CRISP3: variants seen among roughly 807,000 people sequenced by gnomAD.
The protein encoded by CRISP3 is cysteine rich secretory protein 3, also known as cysteine-rich secretory protein 3.
Under a neutral mutation model 36.1 loss-of-function variants are expected in CRISP3, and 33 were observed. The ratio of observed to expected loss-of-function variants is 0.91; its 90% CI spans 0.69 to 1.22. CRISP3 has a LOEUF of 1.22. Ranked by LOEUF, CRISP3 falls within the 50% of genes most tolerant of loss-of-function variation. CRISP3 has a pLI of 0.00. For missense variants in CRISP3, 330 were observed against 301.2 expected (o/e 1.10, Z -0.71); for synonymous variants, 117 against 104.6 (o/e 1.12, Z -0.72).
intron 1 of CRISP3, 34 bp downstream of exon 1, chr6:49,744,276 TTGTTCACCTTGAAATAAATAA>T (rs1335842569): frequency 2.2e-5 from 28 of 1,279,152 alleles, no homozygotes; most frequent in South Asian, 1.3e-5. Context: ...TATAAATGTG[TTGTTCACCTTGAAATAAATAA>T]TGTTCACCTT....
In CRISP3 at chr6:49,727,923, T is replaced by C. The variant is rs1035229675; in HGVS notation, c.*807A>G. 1 of 152,134 alleles carries C rather than the reference T, an allele frequency of 6.6e-6. No individual in the cohort carries two copies. Among genetic ancestry groups the C allele is most frequent in the Non-Finnish European group, 1.5e-5 (1 of 68,000 alleles). The allele number at this position is 152,134 out of a possible 1,614,324, so 9.4% of individuals were successfully genotyped here. A position where few individuals can be genotyped will look rare whatever the true frequency, so the allele number is the denominator to read the frequency against. On this transcript the variant is annotated 3_prime_UTR_variant, in exon 8 of 8. Transcript: ENST00000263045. Reference sequence around the variant, plus strand: ...TTTGTCATTTTTCTCCCCTGTAAAGTTACTATGTTTCCCTTTCCATACTCC... The same window carrying C: ...TTTGTCATTTTTCTCCCCTGTAAAGCTACTATGTTTCCCTTTCCATACTCC...
At chr6:49,734,523 T>A (rs1237596297) in intron 4 of CRISP3, among the ~76,000 whole-genome samples, 1 of 152,134 alleles carries the variant, frequency 6.6e-6, no homozygotes, top group East Asian at 1.9e-4. Context: ...TTAATATTTA[T>A]ATTTGGATGG....
At chr6:49,742,838 A>C (rs1249397521) in intron 1 of CRISP3, among the ~76,000 whole-genome samples, 1 of 152,122 alleles carries the variant, frequency 6.6e-6, no homozygotes, top group Non-Finnish European at 1.5e-5. Flanking sequence ...TTAAAAAGCA[A>C]AGGAGGAAGA....
chr6:49,731,413 C>A (rs2127450404), intron 6 of CRISP3, among the ~76,000 whole-genome samples, 162 bp from the exon 7 acceptor site: 1 of 152,042 alleles, frequency 6.6e-6, no homozygotes, highest in East Asian at 1.9e-4. Context: ...GACAATAATG[C>A]AAATTAAGAG....
chr6:49,733,968 C>A (rs1768981001), intron 4 of CRISP3, 120 bp from the exon 5 acceptor site: 2 of 798,396 alleles, frequency 2.5e-6, no homozygotes, highest in East Asian at 2.5e-5. Flanking sequence ...TCCCCAGTAC[C>A]CACCGTTAAT....
intron 5 of CRISP3, 48 bp downstream of exon 5, chr6:49,733,655 T>G: frequency 5.2e-6 from 8 of 1,540,826 alleles, no homozygotes; most frequent in Non-Finnish European, 7.0e-6. Flanking sequence ...GAATCCTTTT[T>G]TTTTAGGGCA....
chr6:49,740,003 G>A (rs2127453274), intron 1 of CRISP3, among the ~76,000 whole-genome samples: 1 of 152,214 alleles, frequency 6.6e-6, no homozygotes, highest in Admixed American at 6.5e-5. Context: ...AGTGTGATTA[G>A]AGAAAAACCA....
chr6:49,733,158 A>G, intron 6 of CRISP3, 37 bp downstream of exon 6: 1 of 1,146,288 alleles, frequency 8.7e-7, no homozygotes, highest in Non-Finnish European at 1.3e-6. Flanking sequence ...AATTGTATTT[A>G]GCATTATTGA....
intron 3 of CRISP3, among the ~76,000 whole-genome samples, chr6:49,735,798 T>C (rs1769035948): frequency 6.6e-6 from 1 of 152,158 alleles, no homozygotes; most frequent in Non-Finnish European, 1.5e-5. Context: ...CTACCCTAAG[T>C]AATCAAAAAA....
chr6:49,735,468 T>A (rs756463205), intron 4 of CRISP3, 36 bp downstream of exon 4: 45 of 1,469,456 alleles, frequency 3.1e-5, no homozygotes, highest in Non-Finnish European at 4.2e-5. Context: ...ATTTTACTTG[T>A]TGATTTATTC....
At chr6:49,743,625 T>C (rs1271290383) in intron 1 of CRISP3, among the ~76,000 whole-genome samples, 1 of 152,198 alleles carries the variant, frequency 6.6e-6, no homozygotes. Flanking sequence ...TCCTACTATC[T>C]GACTCTTCAG....
intron 3 of CRISP3, 127 bp from the exon 4 acceptor site, chr6:49,735,718 T>A (rs1165167996): frequency 3.0e-5 from 18 of 596,970 alleles, no homozygotes; most frequent in Non-Finnish European, 5.2e-5. Context: ...CTTCTGATTT[T>A]TATAGTAATC....
At chr6:49,735,314 G>T (rs3823210) in intron 4 of CRISP3, among the ~76,000 whole-genome samples, 190 bp downstream of exon 4, 61,579 of 151,872 alleles carry the variant, frequency 0.41, 13,086 homozygotes, top group Admixed American at 0.54. Context: ...GACGGTTTTT[G>T]TAAAATTTAT....
chr6:49,740,351 G>A (rs1205843194), intron 1 of CRISP3, among the ~76,000 whole-genome samples: 1 of 152,192 alleles, frequency 6.6e-6, no homozygotes, highest in African/African-American at 2.4e-5. Flanking sequence ...TTTGCTTAGT[G>A]CTAAGAGAAG....
intron 1 of CRISP3, among the ~76,000 whole-genome samples, chr6:49,743,324 C>A (rs138392628): frequency 6.6e-6 from 1 of 152,248 alleles, no homozygotes; most frequent in East Asian, 1.9e-4. Context: ...AAATCAGAAG[C>A]CCCAATTTAC....
At position 49,736,487 on chromosome 6, in the gene CRISP3, C is replaced by T. The variant is rs147221814; in HGVS notation, c.132G>A (p.Leu44=). The change falls in exon 3 of 8, where the codon TTG becomes TTA. Residue 44 remains leucine (L), a synonymous_variant. Transcript: ENST00000263045. ...TTTGCACTTGTGTTTGGGTGGTTAA[C>T]AAAGCAGTAAAAGCGGGATCCTAAG... is the stretch of plus-strand genomic sequence containing the variant. ...NEDKDPAFTA[L]LTTQTQVQRE... 131 of 1,613,050 alleles carry T rather than the reference C, an allele frequency of 8.1e-5. No homozygotes were observed. The highest frequency in any genetic ancestry group is 3.3e-4 in the Middle Eastern group (2 of 6,060).
intron 6 of CRISP3, among the ~76,000 whole-genome samples, chr6:49,732,782 A>G (rs780243375): frequency 1.3e-5 from 2 of 152,188 alleles, no homozygotes; most frequent in Non-Finnish European, 2.9e-5. Flanking sequence ...AAGGACTGAT[A>G]TTGCTAAAAT....
rs539748550 is a variant in CRISP3 at position 49,728,722 on chromosome 6, ATGCG to A, written c.*4_*7del. 4.3e-6 allele frequency: 7 copies of A among 1,609,440 alleles called. No individual in the cohort carries two copies. The highest frequency in any genetic ancestry group is 5.9e-6 in the Non-Finnish European group (7 of 1,177,886). On this transcript the variant is annotated 3_prime_UTR_variant, in exon 8 of 8. Transcript: ENST00000263045. ...TCTACATAGCCCTACTCGGTGTGTA[ATGCG>A]TATTTAATAAATGCTGTTTGAACAA... is the stretch of plus-strand genomic sequence containing the variant.
chr6:49,738,239 T>C (rs776585421), intron 1 of CRISP3, among the ~76,000 whole-genome samples: 1 of 152,208 alleles, frequency 6.6e-6, no homozygotes, highest in Non-Finnish European at 1.5e-5. Context: ...GTTTTAAGCA[T>C]AAAATTTTCA....
Sources: gnomAD v4.1 joint callset for allele counts (sites outside exome capture counted in the v4.1 genomes callset) on GRCh38, gnomAD v4.1.1 for gene constraint, MANE v1.5 for transcripts, NCBI Gene and HGNC (gene_info 2026-07-23, HGNC 2026-07-21) for gene names.